NSD1: variants seen among roughly 807,000 people sequenced by gnomAD.
NSD1 encodes the protein nuclear receptor binding SET domain protein 1, also known as histone-lysine N-methyltransferase, H3 lysine-36 specific.
A neutral mutation model predicts 242.7 loss-of-function variants in NSD1; 26 were observed. That is an observed-to-expected ratio of 0.11 (90% CI 0.08 to 0.15). The LOEUF (loss-of-function observed/expected upper bound fraction) is 0.15. NSD1 is among the 10% of genes least tolerant of loss of function. The pLI is 1.00. For missense variants in NSD1, 2,495 were observed against 3,272.8 expected (o/e 0.76, Z 5.80); for synonymous variants, 1,106 against 1,178.1 (o/e 0.94, Z 1.25).
chr5:177,188,033 C>G (rs2149816369), intron 2 of NSD1, among the ~76,000 whole-genome samples: 1 of 152,298 alleles, frequency 6.6e-6, no homozygotes, highest in South Asian at 2.1e-4. Flanking sequence ...CAGTCTAAGC[C>G]TGGAAGATGC....
chr5:177,191,183 C>G (rs542725051), intron 2 of NSD1, among the ~76,000 whole-genome samples: 2 of 149,580 alleles, frequency 1.3e-5, no homozygotes, highest in Non-Finnish European at 3.0e-5. Context: ...TTGGCCAGGC[C>G]GGTCACGAAC....
chr5:177,263,952 G>A (rs1288194360), intron 14 of NSD1, among the ~76,000 whole-genome samples: 2 of 150,614 alleles, frequency 1.3e-5, no homozygotes, highest in African/African-American at 4.9e-5. Flanking sequence ...ATTGGATCAT[G>A]GTAGTATTAA....
Position 177,265,733 on chromosome 5 carries a change from A to G in NSD1, c.5147-1829A>G, listed in dbSNP as rs1757377921. 4 of 1,576,732 alleles carry G rather than the reference A, an allele frequency of 2.5e-6. No individual in the cohort carries two copies. In the Admixed American group the frequency reaches 5.0e-5, roughly 20 times the overall value. On this transcript the variant is annotated intron_variant, in intron 14 of 22. Coordinates refer to ENST00000439151, the MANE Select transcript of NSD1 (RefSeq NM_022455.5). The stretch of plus-strand genomic sequence containing the variant: ...CAAGGTCAGGTAGTCCTCCATGTAG[A>G]ACACCGTCTGCTTCCAGTGCGTGTA...
intron 2 of NSD1, among the ~76,000 whole-genome samples, chr5:177,150,086 C>G (rs1020130353): frequency 1.3e-5 from 2 of 151,314 alleles, no homozygotes; most frequent in African/African-American, 4.9e-5. Flanking sequence ...ACAGGTGTGT[C>G]CCACCATGCC....
intron 2 of NSD1, among the ~76,000 whole-genome samples, chr5:177,147,310 T>C (rs1325244014): frequency 6.6e-6 from 1 of 152,152 alleles, no homozygotes; most frequent in Non-Finnish European, 1.5e-5. Flanking sequence ...TTTTACCATG[T>C]TGCTCAAGCT....
Position 177,150,365 on chromosome 5 carries a change from A to C in NSD1, c.927+14335A>C, listed in dbSNP as rs148061900. Among the ~76,000 whole-genome samples, 487 of 152,214 alleles carry C rather than the reference A, an allele frequency of 3.2e-3. 3 individuals are homozygous for C. Among genetic ancestry groups the C allele is most frequent in the African/African-American group, 0.011 (453 of 41,526 alleles). Reference sequence around the variant, plus strand: ...GTTCTGGTCTCAAACTCCTGAGTTCAGGGAATCCACCGCCTTGGCCTCCCA... The same window carrying C: ...GTTCTGGTCTCAAACTCCTGAGTTCCGGGAATCCACCGCCTTGGCCTCCCA... On this transcript the variant is annotated intron_variant, in intron 2 of 22. Coordinates refer to ENST00000439151, the MANE Select transcript of NSD1 (RefSeq NM_022455.5).
In NSD1 at chr5:177,295,688, CA is replaced by C; in HGVS notation, c.*230del. The C allele has an allele frequency of 1.7e-6, 1 of 596,958 alleles. No individual in the cohort carries two copies. Among genetic ancestry groups the C allele is most frequent in the Non-Finnish European group, 3.0e-6 (1 of 335,888 alleles). The allele number at this position is 596,958 out of a possible 1,614,324, so 37.0% of individuals were successfully genotyped here. On this transcript the variant is annotated 3_prime_UTR_variant, in exon 23 of 23. Coordinates refer to ENST00000439151, the MANE Select transcript of NSD1 (RefSeq NM_022455.5). The surrounding 1 kb of genome is among the most constrained non-coding windows in gnomAD (Gnocchi z 4.3). Reference sequence around the variant, plus strand: ...ATCCAGTGGGCCCCAACCAAGGAGACAGACAGACTTGGGTCTCTTTCCCCCA... The same window carrying C: ...ATCCAGTGGGCCCCAACCAAGGAGACGACAGACTTGGGTCTCTTTCCCCCA...
At chr5:177,184,451 T>C (rs1281156142) in intron 2 of NSD1, among the ~76,000 whole-genome samples, 1 of 152,196 alleles carries the variant, frequency 6.6e-6, no homozygotes, top group Admixed American at 6.6e-5. Context: ...TGTCCATTTT[T>C]AGGAAAACTT....
intron 2 of NSD1, among the ~76,000 whole-genome samples, chr5:177,163,142 CTTTTTTT>C (rs1237651560): frequency 7.5e-6 from 1 of 133,134 alleles, no homozygotes; most frequent in Non-Finnish European, 1.6e-5. Flanking sequence ...TGAAATGTCT[CTTTTTTT>C]TTTTTTTTTT....
Position 177,252,796 on chromosome 5 carries a change from CCT to C in NSD1, c.4765+944_4765+945del, listed in dbSNP as rs1562261126. 5.3e-5 allele frequency among the ~76,000 whole-genome samples: 7 copies of C among 132,518 alleles called. 1 individual carries two copies. The highest frequency in any genetic ancestry group is 5.7e-5 in the African/African-American group (2 of 35,314). The allele number at this position is 132,518 out of a possible 152,430, so 86.9% of individuals were successfully genotyped here. On this transcript the variant is annotated intron_variant, in intron 12 of 22. Transcript: ENST00000439151. ...AAAGTGTTCTCTCGCTCTCTCTCTC[CCT>C]TTTTTTTTTTTTTTTCTTAGCATGA...
chr5:177,225,389 T>C (rs1764558270), intron 5 of NSD1, among the ~76,000 whole-genome samples: 1 of 152,284 alleles, frequency 6.6e-6, no homozygotes, highest in East Asian at 1.9e-4. Context: ...GTAATCTGCC[T>C]GTCTGAGCCT....
At chr5:177,158,972 A>ATATATGAATGATTT (rs1758447197) in intron 2 of NSD1, among the ~76,000 whole-genome samples, 2 of 139,572 alleles carry the variant, frequency 1.4e-5, no homozygotes, top group Admixed American at 7.2e-5. Flanking sequence ...ACACACACAT[A>ATATATGAATGATTT]TATACACACA....
chr5:177,174,335 C>G (rs1424998159), intron 2 of NSD1, among the ~76,000 whole-genome samples: 1 of 152,154 alleles, frequency 6.6e-6, no homozygotes, highest in African/African-American at 2.4e-5. Flanking sequence ...GCCTGGGCAA[C>G]AAGAGCGAGA....
In NSD1 at chr5:177,298,397, C is replaced by T. The variant is rs1760382884; in HGVS notation, c.*2938C>T. The T allele has an allele frequency of 8.6e-6, 2 of 233,152 alleles. No individual in the cohort carries two copies. Among genetic ancestry groups the T allele is most frequent in the African/African-American group, 4.4e-5 (2 of 45,340 alleles). 14.4% of individuals were successfully genotyped at this position (233,152 alleles called of 1,614,324 possible). ...TCCATGGGTAGCTAGAAAGCCAATA[C>T]ATCTAGCCCTGCTAAGTCAGAAAAA... On this transcript the variant is annotated 3_prime_UTR_variant, in exon 23 of 23. Coordinates refer to ENST00000439151, the MANE Select transcript of NSD1 (RefSeq NM_022455.5).
At chr5:177,174,872 T>TC (rs35387035) in intron 2 of NSD1, among the ~76,000 whole-genome samples, 1 of 12,364 alleles carries the variant, frequency 8.1e-5, no homozygotes, top group East Asian at 0.023. Flanking sequence ...CTTATCTGAC[T>TC]TTTTTTTTTT....
chr5:177,177,360 C>T lies in NSD1; in HGVS notation c.928-14524C>T, dbSNP rs1011702134. The stretch of plus-strand genomic sequence containing the variant: ...TGAAACCCCCTCTCTACTAAAAATA[C>T]AAAAATTAGCCAGGTGTGGTGGTGC... On this transcript the variant is annotated intron_variant, in intron 2 of 22. Coordinates refer to ENST00000439151, the MANE Select transcript of NSD1 (RefSeq NM_022455.5). Among the ~76,000 whole-genome samples the T allele has an allele frequency of 7.2e-5, 11 of 151,988 alleles. No individual in the cohort carries two copies. The East Asian group carries it at 2.1e-3, about 29-fold the overall frequency.
intron 2 of NSD1, among the ~76,000 whole-genome samples, chr5:177,161,015 C>T (rs1758706226): frequency 1.3e-5 from 2 of 151,960 alleles, no homozygotes; most frequent in South Asian, 4.2e-4. Flanking sequence ...GTGATCTGCC[C>T]ACTTCAGCCT....
At chr5:177,258,293 T>C (rs1261242349) in intron 13 of NSD1, among the ~76,000 whole-genome samples, 1 of 151,758 alleles carries the variant, frequency 6.6e-6, no homozygotes, top group Non-Finnish European at 1.5e-5. Context: ...CATTTTTATA[T>C]CTCTGGTTTC....
intron 5 of NSD1, among the ~76,000 whole-genome samples, chr5:177,222,830 C>T (rs557941008): frequency 4.6e-5 from 7 of 152,014 alleles, no homozygotes; most frequent in Non-Finnish European, 1.0e-4. Context: ...TTTGGGTTGT[C>T]TTTTTATTAG....
Sources: gnomAD v4.1 joint callset for allele counts (sites outside exome capture counted in the v4.1 genomes callset) on GRCh38, gnomAD v4.1.1 for gene constraint, Gnocchi (gnomAD v3.1) non-coding constraint, MANE v1.5 for transcripts, NCBI Gene and HGNC (gene_info 2026-07-23, HGNC 2026-07-21) for gene names.